MC2R: variants seen among roughly 807,000 people sequenced by gnomAD.
MC2R encodes the protein melanocortin 2 receptor.
MC2R carries 9 observed loss-of-function variants against 9.8 expected under a neutral mutation model. The ratio of observed to expected loss-of-function variants is 0.92; its 90% confidence interval spans 0.55 to 1.60. The LOEUF is 1.60. Among genes scored for constraint, MC2R ranks in the 40% most tolerant of loss-of-function variants. The probability of loss-of-function intolerance (pLI) is 0.00; values close to 1 mark genes in which losing one functional copy is unlikely to be tolerated. For synonymous variants in MC2R, 185 were observed against 154.7 expected, an observed-to-expected ratio of 1.20 and a Z score of -1.45; for missense variants, 370 against 389.0, an observed-to-expected ratio of 0.95 and a Z score of 0.41.
chr18:13,905,261 G>A (rs372041013), intron 1 of MC2R, among the ~76,000 whole-genome samples: 67 of 152,046 alleles, frequency 4.4e-4, no homozygotes, highest in Admixed American at 1.8e-3. Flanking sequence ...ACATTTATGC[G>A]GCCAACAAAC....
intron 1 of MC2R, among the ~76,000 whole-genome samples, chr18:13,891,890 A>G (rs2149137350): frequency 2.0e-5 from 3 of 152,274 alleles, no homozygotes; most frequent in African/African-American, 7.2e-5. Context: ...TAGTGCTTCT[A>G]TTTCTTGGTC....
At chr18:13,900,213 A>G (rs2045370834) in intron 1 of MC2R, among the ~76,000 whole-genome samples, 1 of 152,132 alleles carries the variant, frequency 6.6e-6, no homozygotes, top group South Asian at 2.1e-4. Flanking sequence ...GTTATAAGAT[A>G]GTATTTGCAA....
intron 1 of MC2R, among the ~76,000 whole-genome samples, chr18:13,885,950 C>A (rs2045273552): frequency 6.6e-6 from 1 of 152,108 alleles, no homozygotes; most frequent in South Asian, 2.1e-4. Context: ...GAAGTGGAGG[C>A]CATTATCAAA....
intron 1 of MC2R, among the ~76,000 whole-genome samples, chr18:13,899,810 G>C (rs1224702347): frequency 6.6e-6 from 1 of 152,094 alleles, no homozygotes; most frequent in African/African-American, 2.4e-5. Flanking sequence ...ACAAACAAAA[G>C]CTAAGAGAGT....
intron 1 of MC2R, among the ~76,000 whole-genome samples, chr18:13,890,677 T>C (rs1275790073): frequency 6.6e-6 from 1 of 152,230 alleles, no homozygotes; most frequent in Non-Finnish European, 1.5e-5. Flanking sequence ...GCATAAGTTG[T>C]ACGGCCCAAT....
At chr18:13,904,306 G>A (rs571794669) in intron 1 of MC2R, among the ~76,000 whole-genome samples, 9 of 150,632 alleles carry the variant, frequency 6.0e-5, no homozygotes, top group East Asian at 5.8e-4. Flanking sequence ...GCGTGAACCC[G>A]GGAGGCAGAG....
chr18:13,885,452 G>T lies in MC2R; in HGVS notation c.67C>A (p.Arg23Ser), dbSNP rs763312509. 2 of 1,614,068 alleles carry T rather than the reference G, an allele frequency of 1.2e-6. No homozygotes were observed. The highest frequency in any genetic ancestry group is 1.7e-6 in the Non-Finnish European group (2 of 1,180,012). ...NTARNNSDCPRVVLPEEIFFT... is the reference protein window; with the variant it reads ...NTARNNSDCPSVVLPEEIFFT... Reference sequence around the variant, plus strand: ...AATATCTCCTCCGGCAAAACCACACGAGGACAGTCGGAATTATTTCTTGCT... The same window carrying T: ...AATATCTCCTCCGGCAAAACCACACTAGGACAGTCGGAATTATTTCTTGCT... Residue 23 changes from arginine to serine, a missense_variant, in exon 2 of 2, where the codon CGT (arginine) becomes AGT (serine). Physicochemically the swap from Arg to Ser is moderately radical, Grantham distance 110. Transcript: ENST00000327606.
At chr18:13,911,943 G>C (rs2045447118) in intron 1 of MC2R, among the ~76,000 whole-genome samples, 1 of 152,184 alleles carries the variant, frequency 6.6e-6, no homozygotes, top group Non-Finnish European at 1.5e-5. Context: ...AGCTGAGAAA[G>C]AGGACAGGTG....
At chr18:13,915,067 C>T (rs2045468420) in intron 1 of MC2R, among the ~76,000 whole-genome samples, 1 of 152,120 alleles carries the variant, frequency 6.6e-6, no homozygotes, top group Non-Finnish European at 1.5e-5. Context: ...TGCCGCATGC[C>T]CACGTCTTTG....
intron 1 of MC2R, among the ~76,000 whole-genome samples, chr18:13,895,135 C>G (rs1463298463): frequency 6.6e-6 from 1 of 152,220 alleles, no homozygotes; most frequent in African/African-American, 2.4e-5. Context: ...CAATCAGCAA[C>G]TTGAACAACC....
At position 13,882,732 on chromosome 18, in the gene MC2R, C is replaced by T. The variant is rs952696723; in HGVS notation, c.*1893G>A. On this transcript the variant is annotated 3_prime_UTR_variant, in exon 2 of 2. Transcript: ENST00000327606. ...GGTTACCTCTTATTGAGAATACGCACTTTAATCACATAAAATATGTTATAC... is the reference window on the plus strand; with the variant it reads ...GGTTACCTCTTATTGAGAATACGCATTTTAATCACATAAAATATGTTATAC... 1 of 152,210 alleles carries T rather than the reference C, an allele frequency of 6.6e-6. No homozygotes were observed. Among genetic ancestry groups the T allele is most frequent in the African/African-American group, 2.4e-5 (1 of 41,446 alleles). The allele number at this position is 152,210 out of a possible 1,614,324, so 9.4% of individuals were successfully genotyped here. A position where few individuals can be genotyped will look rare whatever the true frequency, so the allele number is the denominator to read the frequency against.
chr18:13,885,165 G>T lies in MC2R; in HGVS notation c.354C>A (p.Ile118=). The T allele has an allele frequency of 6.2e-7, 1 of 1,614,222 alleles. No homozygotes were observed. ...SLFVLSLLGS[I]FSLSVIAADR... ...CCGCAGCAATCACAGACAGGCTGAA[G>T]ATGGAGCCAAGCAGGGAGAGGACAA... The change falls in exon 2 of 2, where the codon ATC becomes ATA. Residue 118 remains isoleucine (I), a synonymous_variant. Coordinates refer to ENST00000327606, the MANE Select transcript of MC2R (RefSeq NM_000529.2).
intron 1 of MC2R, among the ~76,000 whole-genome samples, chr18:13,913,502 C>A (rs924819306): frequency 9.9e-5 from 15 of 152,222 alleles, no homozygotes; most frequent in Non-Finnish European, 1.8e-4. Context: ...CAGCGCTTGG[C>A]ACACGCATAT....
At chr18:13,915,552 A>G (rs2045470995), upstream of MC2R, 1 of 153,082 alleles carries the variant, frequency 6.5e-6, no homozygotes, top group African/African-American at 2.4e-5. Context: ...CGGAGAGAAA[A>G]GCAAGCAAGT....
chr18:13,910,860 GC>G (rs1183141943), intron 1 of MC2R, among the ~76,000 whole-genome samples: 1 of 152,216 alleles, frequency 6.6e-6, no homozygotes, highest in African/African-American at 2.4e-5. Flanking sequence ...CAGTGGGGGA[GC>G]TGGCAGATGC....
intron 1 of MC2R, among the ~76,000 whole-genome samples, chr18:13,892,424 C>T (rs991481162): frequency 3.3e-5 from 5 of 151,254 alleles, no homozygotes; most frequent in East Asian, 1.9e-4. Flanking sequence ...AGGGCCTACC[C>T]GTCCCTCCCC....
chr18:13,903,030 A>G (rs2045389603), intron 1 of MC2R, among the ~76,000 whole-genome samples: 1 of 152,244 alleles, frequency 6.6e-6, no homozygotes, highest in Non-Finnish European at 1.5e-5. Flanking sequence ...AAATGGGCAG[A>G]AGATTTGAAT....
chr18:13,885,200 C>T lies in MC2R; in HGVS notation c.319G>A (p.Asp107Asn), dbSNP rs104894661. The T allele has an allele frequency of 1.9e-6, 3 of 1,613,890 alleles. No individual in the cohort carries two copies. Among genetic ancestry groups the T allele is most frequent in the South Asian group, 2.2e-5 (2 of 91,068 alleles). Residue 107 changes from aspartate to asparagine, a missense_variant, in exon 2 of 2, where the codon GAC becomes AAC. Asp to Asn is a conservative substitution (Grantham distance 23). Transcript: ENST00000327606. ...AGCAGGGAGAGGACAAACAGGGAGT[C>T]GATGATGTCATCGGCTGTGGTTTCA... ...SFETTADDIIDSLFVLSLLGS... is the reference protein window; with the variant it reads ...SFETTADDIINSLFVLSLLGS...
intron 1 of MC2R, among the ~76,000 whole-genome samples, chr18:13,914,280 T>C (rs894074410): frequency 6.6e-6 from 1 of 152,106 alleles, no homozygotes; most frequent in African/African-American, 2.4e-5. Context: ...GTCTCCCTGC[T>C]CCCACAGCTC....
Sources: allele counts gnomAD v4.1 joint callset (sites outside exome capture counted in the v4.1 genomes callset), GRCh38; gene constraint gnomAD v4.1.1; transcripts MANE v1.5; gene names NCBI Gene and HGNC (gene_info 2026-07-23, HGNC 2026-07-21).